The following CA10 variants were observed in gnomAD, a reference collection of about 807,000 sequenced individuals.
CA10 encodes the protein carbonic anhydrase 10 (inactive), also known as carbonic anhydrase-related protein 10.
In CA10, 14 loss-of-function variants were observed where a neutral mutation model predicts 44.2. The ratio of observed to expected loss-of-function variants is 0.32; its 90% CI spans 0.21 to 0.50. The LOEUF (loss-of-function observed/expected upper bound fraction) is 0.50. Ranked by LOEUF, CA10 falls within the 20% of genes least tolerant of loss-of-function variation. The probability of loss-of-function intolerance (pLI) is 0.99; values close to 1 mark genes in which losing one functional copy is unlikely to be tolerated. For missense variants in CA10, 350 were observed against 409.7 expected (o/e 0.85, Z 1.26); for synonymous variants, 159 against 141.6 (o/e 1.12, Z -0.87).
At chr17:51,807,065 T>C (rs899914561) in intron 3 of CA10, among the ~76,000 whole-genome samples, 1 of 152,182 alleles carries the variant, frequency 6.6e-6, no homozygotes, top group Non-Finnish European at 1.5e-5. Flanking sequence ...TCTAAGGTAT[T>C]AGTTGAGATG....
intron 1 of CA10, among the ~76,000 whole-genome samples, chr17:52,087,319 T>G (rs977477604): frequency 3.3e-5 from 5 of 152,192 alleles, no homozygotes; most frequent in Admixed American, 3.3e-4. Flanking sequence ...TTTTCATATT[T>G]TTAGTAGAGA....
Position 51,988,652 on chromosome 17 carries a change from A to G in CA10, c.137-57520T>C, listed in dbSNP as rs9893301. 5.4e-3 allele frequency among the ~76,000 whole-genome samples: 817 copies of G among 152,118 alleles called. 5 individuals carry two copies. Among genetic ancestry groups the G allele is most frequent in the African/African-American group, 0.018 (765 of 41,554 alleles). ...GTCCTTTACTCCTACCTAAGAATAA[A>G]CATTCTTTATTTTTACCTTTCTACT... On this transcript the variant is annotated intron_variant, in intron 2 of 8. Transcript: ENST00000451037.
intron 3 of CA10, among the ~76,000 whole-genome samples, chr17:51,898,692 G>T (rs1196505291): frequency 1.3e-5 from 2 of 152,064 alleles, no homozygotes; most frequent in Non-Finnish European, 2.9e-5. Flanking sequence ...GCTTTGTCTG[G>T]TTGATAGGCT....
intron 4 of CA10, among the ~76,000 whole-genome samples, chr17:51,657,875 C>T (rs1212814722): frequency 6.6e-6 from 1 of 152,176 alleles, no homozygotes; most frequent in East Asian, 1.9e-4. Context: ...GCTAATTAAA[C>T]ACCAAGTTCA....
intron 4 of CA10, among the ~76,000 whole-genome samples, chr17:51,747,253 A>C (rs1218404542): frequency 6.6e-6 from 1 of 152,240 alleles, no homozygotes; most frequent in African/African-American, 2.4e-5. Context: ...AAAGTTATGG[A>C]ATCTGTGCTA....
At chr17:52,138,538 A>C (rs1335248895) in intron 1 of CA10, among the ~76,000 whole-genome samples, 1 of 152,174 alleles carries the variant, frequency 6.6e-6, no homozygotes, top group Non-Finnish European at 1.5e-5. Flanking sequence ...CAGGCATGTG[A>C]CTGAACTTAG....
chr17:51,831,699 G>GCATCAGCAT lies in CA10; in HGVS notation c.280-83882_280-83881insATGCTGATG, dbSNP rs1409883505. Among the ~76,000 whole-genome samples the GCATCAGCAT allele has an allele frequency of 1.1e-4, 7 of 66,208 alleles. 1 individual carries two copies. Among genetic ancestry groups the GCATCAGCAT allele is most frequent in the African/African-American group, 5.3e-4 (7 of 13,318 alleles). 43.4% of individuals were successfully genotyped at this position (66,208 alleles called of 152,430 possible). The stretch of plus-strand genomic sequence containing the variant: ...AGCAGCAGCAGCAGCAGCAGCAGCA[G>GCATCAGCAT]CAGCAGCAGCAGCAGCAGCAGCAGC... On this transcript the variant is annotated intron_variant, in intron 3 of 8. Coordinates refer to ENST00000451037, the MANE Select transcript of CA10 (RefSeq NM_020178.5).
chr17:51,946,314 A>C (rs1983270062), intron 2 of CA10, among the ~76,000 whole-genome samples: 1 of 152,168 alleles, frequency 6.6e-6, no homozygotes. Flanking sequence ...ACCACAAAAA[A>C]ATAAGTGTGT....
At chr17:51,641,746 C>A (rs1046351736) in intron 6 of CA10, among the ~76,000 whole-genome samples, 5 of 151,446 alleles carry the variant, frequency 3.3e-5, no homozygotes, top group East Asian at 1.9e-4. Flanking sequence ...ATGCCTAGGA[C>A]CACTTGGGGG....
intron 4 of CA10, among the ~76,000 whole-genome samples, chr17:51,671,806 C>T (rs1020891095): frequency 3.3e-5 from 5 of 152,190 alleles, no homozygotes. Flanking sequence ...GCTATCTCCT[C>T]CATGCTGGCC....
At chr17:52,042,368 C>A (rs1048349287) in intron 2 of CA10, among the ~76,000 whole-genome samples, 3 of 151,716 alleles carry the variant, frequency 2.0e-5, no homozygotes, top group East Asian at 1.9e-4. Context: ...TTTTCATGTA[C>A]CTGCTGGTCA....
At chr17:51,813,207 T>G (rs552260291) in intron 3 of CA10, among the ~76,000 whole-genome samples, 1 of 152,306 alleles carries the variant, frequency 6.6e-6, no homozygotes, top group South Asian at 2.1e-4. Context: ...ATCTGGCACA[T>G]TAATAGTCCA....
intron 3 of CA10, among the ~76,000 whole-genome samples, chr17:51,882,920 G>A (rs1980440095): frequency 6.6e-6 from 1 of 152,194 alleles, no homozygotes; most frequent in South Asian, 2.1e-4. Context: ...CTTGAAAAAA[G>A]TTGTGCTCCC....
chr17:51,819,709 T>C (rs78484873), intron 3 of CA10, among the ~76,000 whole-genome samples: 6,909 of 152,244 alleles, frequency 0.045, 202 homozygotes, highest in Non-Finnish European at 0.062. Flanking sequence ...TAAGAGGAAG[T>C]AGTGCAGGTG....
At chr17:51,657,323 C>T (rs1037295961) in intron 4 of CA10, among the ~76,000 whole-genome samples, 3 of 152,168 alleles carry the variant, frequency 2.0e-5, no homozygotes, top group Non-Finnish European at 4.4e-5. Context: ...AGGTCTTAAC[C>T]ATGAAAAAGT....
chr17:51,888,192 G>A (rs1056280640), intron 3 of CA10, among the ~76,000 whole-genome samples: 1 of 151,624 alleles, frequency 6.6e-6, no homozygotes, highest in Middle Eastern at 3.2e-3. Flanking sequence ...AAAAAAAGGA[G>A]AAGAAAGGAA....
At chr17:51,689,898 G>T (rs1915130355) in intron 4 of CA10, among the ~76,000 whole-genome samples, 1 of 151,928 alleles carries the variant, frequency 6.6e-6, no homozygotes, top group Non-Finnish European at 1.5e-5. Flanking sequence ...ATTAACATAT[G>T]CATTACTTTG....
intron 2 of CA10, among the ~76,000 whole-genome samples, chr17:51,934,685 AGGAGACCTGATGG>A (rs1352525861): frequency 1.3e-5 from 2 of 152,066 alleles, no homozygotes; most frequent in African/African-American, 4.8e-5. Flanking sequence ...CAGGCCTCTG[AGGAGACCTGATGG>A]GGATGATTGC....
chr17:51,891,246 A>C (rs533334429), intron 3 of CA10, among the ~76,000 whole-genome samples: 1 of 152,112 alleles, frequency 6.6e-6, no homozygotes, highest in Non-Finnish European at 1.5e-5. Flanking sequence ...GTTGGTAGTG[A>C]ATAATAGGGC....
Sources: gnomAD v4.1 joint callset for allele counts (sites outside exome capture counted in the v4.1 genomes callset) on GRCh38, gnomAD v4.1.1 for gene constraint, MANE v1.5 for transcripts, NCBI Gene and HGNC (gene_info 2026-07-23, HGNC 2026-07-21) for gene names.